MBNL2: variants seen among roughly 807,000 people sequenced by gnomAD.
MBNL2 encodes muscleblind-like protein 2.
Under a neutral mutation model 41.9 loss-of-function variants are expected in MBNL2, and 17 were observed. That is an observed-to-expected ratio of 0.41 (90% CI 0.28 to 0.61). The LOEUF (loss-of-function observed/expected upper bound fraction) is 0.61. Ranked by LOEUF, MBNL2 falls within the 20% of genes least tolerant of loss-of-function variation. MBNL2 has a pLI of 0.35. For synonymous variants in MBNL2, 195 were observed against 182.9 expected, an observed-to-expected ratio of 1.07 and a Z score of -0.53; for missense variants, 336 against 505.6, an observed-to-expected ratio of 0.66 and a Z score of 3.22.
the MBNL2 span, among the ~76,000 whole-genome samples, chr13:97,200,588 T>A: frequency 6.6e-6 from 1 of 152,230 alleles, no homozygotes; most frequent in South Asian, 2.1e-4. Context: ...GGATTACATT[T>A]TTCATGATTT....
At chr13:97,295,976 G>A (rs768695915) in intron 2 of MBNL2, among the ~76,000 whole-genome samples, 1 of 152,098 alleles carries the variant, frequency 6.6e-6, no homozygotes, top group Admixed American at 6.5e-5. Context: ...CATCTATAAA[G>A]AGCTGCTTTA....
chr13:97,182,193 C>T, the MBNL2 span, among the ~76,000 whole-genome samples: 1 of 152,142 alleles, frequency 6.6e-6, no homozygotes, highest in African/African-American at 2.4e-5. Context: ...CCTATGGATG[C>T]TGCCTTGCAA....
intron 2 of MBNL2, among the ~76,000 whole-genome samples, chr13:97,298,037 A>G (rs2057242952): frequency 6.6e-6 from 1 of 152,208 alleles, no homozygotes. Context: ...TACTGAGTGT[A>G]TACTACACAT....
the MBNL2 span, among the ~76,000 whole-genome samples, chr13:97,176,917 G>A: frequency 6.6e-6 from 1 of 152,032 alleles, no homozygotes; most frequent in African/African-American, 2.4e-5. Context: ...ATAGTCAAGG[G>A]TCCACAGACA....
chr13:97,319,160 C>G (rs763612102), intron 2 of MBNL2, among the ~76,000 whole-genome samples: 3 of 152,152 alleles, frequency 2.0e-5, no homozygotes, highest in Non-Finnish European at 4.4e-5. Context: ...GTTCTCAGAC[C>G]TTGAACTTGG....
chr13:97,145,185 C>A, the MBNL2 span, among the ~76,000 whole-genome samples: 1 of 152,134 alleles, frequency 6.6e-6, no homozygotes. Flanking sequence ...CAACCTGTGA[C>A]GGGCCTGTGG....
At chr13:97,281,044 T>C (rs1203681979) in intron 2 of MBNL2, among the ~76,000 whole-genome samples, 1 of 152,248 alleles carries the variant, frequency 6.6e-6, no homozygotes, top group Non-Finnish European at 1.5e-5. Flanking sequence ...ACATAAGCTC[T>C]ATGTGGATAG....
chr13:97,376,326 G>A (rs776208253), intron 8 of MBNL2, among the ~76,000 whole-genome samples: 1 of 152,096 alleles, frequency 6.6e-6, no homozygotes, highest in Non-Finnish European at 1.5e-5. Flanking sequence ...ACGCTCCTAT[G>A]AGACCTCTCT....
intron 2 of MBNL2, among the ~76,000 whole-genome samples, chr13:97,283,141 A>C (rs1351576794): frequency 6.6e-6 from 1 of 151,856 alleles, no homozygotes. Flanking sequence ...CGCCCTTCCT[A>C]CTTTCCCTCT....
rs141856067 is a variant in MBNL2 at position 97,385,794 on chromosome 13, G to A, written c.1049-5528G>A. On this transcript the variant is annotated intron_variant, in intron 8 of 8. Coordinates refer to ENST00000679496, the MANE Select transcript of MBNL2 (RefSeq NM_001382683.1). ...CTCTGAAATACTAAGGAAATTCTAC[G>A]TTGATTTGTCTTCTCTTGCACCATT... 1.9e-3 allele frequency among the ~76,000 whole-genome samples: 282 copies of A among 152,238 alleles called. 5 individuals carry two copies. Among genetic ancestry groups the A allele is most frequent in the Admixed American group, 3.1e-3 (47 of 15,304 alleles).
Position 97,334,705 on chromosome 13 carries a change from C to G in MBNL2, c.339+265C>G, listed in dbSNP as rs915626636. ...ACTCTTTTCACCAGTAACTCTCTAT[C>G]TCAGCCATCTTAGAACGGAAATAGT... On this transcript the variant is annotated intron_variant, in intron 3 of 8. Coordinates refer to ENST00000679496, the MANE Select transcript of MBNL2 (RefSeq NM_001382683.1). This position sits in a 1 kb window ranked among gnomAD's most constrained non-coding sequence, Gnocchi z 5.3. Among the ~76,000 whole-genome samples the G allele has an allele frequency of 6.6e-6, 1 of 152,226 alleles. No homozygotes were observed. Among genetic ancestry groups the G allele is most frequent in the Non-Finnish European group, 1.5e-5 (1 of 68,044 alleles).
chr13:97,231,218 T>C (rs1001277705), intron 1 of MBNL2, among the ~76,000 whole-genome samples: 4 of 152,182 alleles, frequency 2.6e-5, no homozygotes, highest in African/African-American at 7.2e-5. Flanking sequence ...ATTGATGCCG[T>C]CACACCAGAC....
the MBNL2 span, among the ~76,000 whole-genome samples, chr13:97,179,056 C>A: frequency 6.6e-6 from 1 of 152,218 alleles, no homozygotes; most frequent in Non-Finnish European, 1.5e-5. Flanking sequence ...AAGACCTGAT[C>A]ATTTCCACAA....
the MBNL2 span, among the ~76,000 whole-genome samples, chr13:97,201,831 G>A: frequency 6.6e-6 from 1 of 152,118 alleles, no homozygotes; most frequent in African/African-American, 2.4e-5. Flanking sequence ...TCTGCCACAT[G>A]GAGAAATATA....
chr13:97,225,592 G>A (rs1477931556), intron 1 of MBNL2, among the ~76,000 whole-genome samples: 1 of 152,046 alleles, frequency 6.6e-6, no homozygotes, highest in Non-Finnish European at 1.5e-5. Context: ...GGGGGCAGGT[G>A]GGCAGTGGAG....
chr13:97,384,408 C>T (rs1177911373), intron 8 of MBNL2, among the ~76,000 whole-genome samples: 1 of 152,152 alleles, frequency 6.6e-6, no homozygotes, highest in Non-Finnish European at 1.5e-5. Context: ...ACACATGTCC[C>T]TTTGCCTCTG....
the MBNL2 span, among the ~76,000 whole-genome samples, chr13:97,171,741 T>C: frequency 6.6e-6 from 1 of 152,150 alleles, no homozygotes. Context: ...TTGATATGGT[T>C]TGGCTGTGTC....
chr13:97,328,179 T>TA (rs1240178375), intron 2 of MBNL2, among the ~76,000 whole-genome samples: 1 of 150,246 alleles, frequency 6.7e-6, no homozygotes, highest in Non-Finnish European at 1.5e-5. Context: ...AACCCTTTTT[T>TA]TTTTTTTTTT....
upstream of MBNL2, among the ~76,000 whole-genome samples, chr13:97,218,436 A>AAAACAAAAC (rs1555302244): frequency 4.3e-3 from 461 of 108,244 alleles, 6 homozygotes; most frequent in Middle Eastern, 0.032. Context: ...AAAACAAAAC[A>AAAACAAAAC]AAACAAAAAA....
Sources: allele counts gnomAD v4.1 joint callset (sites outside exome capture counted in the v4.1 genomes callset), GRCh38; gene constraint gnomAD v4.1.1; non-coding constraint Gnocchi (gnomAD v3.1); transcripts MANE v1.5; gene names NCBI Gene and HGNC (gene_info 2026-07-23, HGNC 2026-07-21).